DTL: variants seen among roughly 807,000 people sequenced by gnomAD.
The protein encoded by DTL is denticleless E3 ubiquitin protein ligase adapter, also known as denticleless protein homolog.
In DTL, 46 loss-of-function variants were observed where a neutral mutation model predicts 87.0. The observed-to-expected ratio is 0.53, with a 90% CI of 0.42 to 0.68. The LOEUF (loss-of-function observed/expected upper bound fraction) is 0.68, where lower values mean the gene tolerates loss of function less well. DTL is among the 30% of genes least tolerant of loss of function. The pLI, the probability that DTL is intolerant of heterozygous loss-of-function variation, is 0.00. For missense variants in DTL, 737 were observed against 869.4 expected (o/e 0.85, Z 1.91); for synonymous variants, 308 against 311.2 (o/e 0.99, Z 0.11).
intron 5 of DTL, among the ~76,000 whole-genome samples, chr1:212,061,537 A>G (rs1654312122): frequency 6.6e-6 from 1 of 152,034 alleles, no homozygotes; most frequent in Non-Finnish European, 1.5e-5. Flanking sequence ...TTGATCTAGC[A>G]GTCTCATTAT....
rs191771884 is a variant in DTL, at chr1:212,103,053, A to G, written c.*113A>G. 72 of 559,542 alleles carry G rather than the reference A, an allele frequency of 1.3e-4. 2 individuals are homozygous for G. In the Admixed American group the frequency reaches 2.4e-3, roughly 18 times the overall value. 34.7% of individuals were successfully genotyped at this position (559,542 alleles called of 1,614,324 possible). A position where few individuals can be genotyped will look rare whatever the true frequency, so the allele number is the denominator to read the frequency against. On this transcript the variant is annotated 3_prime_UTR_variant, in exon 15 of 15. Coordinates refer to ENST00000366991, the MANE Select transcript of DTL (RefSeq NM_016448.4). Reference sequence around the variant, plus strand: ...GACTCTATAACTCTGGTCTTTAAGAAAGCTGCCTTTTCATTTTTAGACAAA... The same window carrying G: ...GACTCTATAACTCTGGTCTTTAAGAGAGCTGCCTTTTCATTTTTAGACAAA...
At chr1:212,047,837 G>C (rs951926954) in intron 5 of DTL, among the ~76,000 whole-genome samples, 1 of 152,154 alleles carries the variant, frequency 6.6e-6, no homozygotes, top group Non-Finnish European at 1.5e-5. Context: ...CACCCAGCCA[G>C]GTGATTAAGA....
intron 13 of DTL, among the ~76,000 whole-genome samples, chr1:212,083,275 T>G (rs1363536046): frequency 6.6e-6 from 1 of 152,158 alleles, no homozygotes; most frequent in East Asian, 1.9e-4. Context: ...ATGAGACTTA[T>G]TTGCTGTCAC....
chr1:212,043,569 C>G (rs1024770346), intron 2 of DTL, among the ~76,000 whole-genome samples: 14 of 152,176 alleles, frequency 9.2e-5, no homozygotes, highest in Non-Finnish European at 2.1e-4. Flanking sequence ...GTGGCTCACA[C>G]TTGTAATCCC....
intron 5 of DTL, among the ~76,000 whole-genome samples, chr1:212,052,247 G>A (rs936305543): frequency 6.6e-6 from 1 of 152,088 alleles, no homozygotes; most frequent in Non-Finnish European, 1.5e-5. Flanking sequence ...TCTAGTCATG[G>A]TTCCCTTCAC....
rs1448030822 is a variant in DTL, at chr1:212,047,217, G to A, written c.339+5G>A. ...GTTCCTGGTGAACTTAAACTTGTAA[G>A]TGACTTTATTTCATTAGGATCTGGG... On this transcript the variant is annotated splice_donor_5th_base_variant and intron_variant, in intron 4 of 14. Coordinates refer to ENST00000366991, the MANE Select transcript of DTL (RefSeq NM_016448.4). The A allele has an allele frequency of 1.2e-6, 2 of 1,614,164 alleles. No individual in the cohort carries two copies.
chr1:212,059,676 A>G (rs187010553), intron 5 of DTL, among the ~76,000 whole-genome samples: 26 of 151,640 alleles, frequency 1.7e-4, no homozygotes, highest in Admixed American at 1.4e-3. Context: ...ACCCAGAGCA[A>G]TCAGGCCAGA....
At chr1:212,047,072 C>T (rs1304773180) in intron 3 of DTL, 79 bp from the exon 4 acceptor site, 1 of 1,304,244 alleles carries the variant, frequency 7.7e-7, no homozygotes, top group African/African-American at 1.5e-5. Context: ...TACAGCTTTC[C>T]AGGCATTTAA....
At chr1:212,039,622 A>AT in intron 1 of DTL, among the ~76,000 whole-genome samples, 1 of 152,296 alleles carries the variant, frequency 6.6e-6, no homozygotes, top group South Asian at 2.1e-4. Context: ...TCATTAGGTG[A>AT]TTTTATCATT....
chr1:212,091,457 CA>C (rs1329627074), intron 13 of DTL, among the ~76,000 whole-genome samples: 4 of 152,010 alleles, frequency 2.6e-5, no homozygotes, highest in Non-Finnish European at 5.9e-5. Context: ...GGGTATATAT[CA>C]AAAAAAGTGA....
chr1:212,082,461 G>A (rs1158624176), intron 13 of DTL, among the ~76,000 whole-genome samples: 2 of 152,186 alleles, frequency 1.3e-5, no homozygotes, highest in Admixed American at 1.3e-4. Flanking sequence ...TGGCAGGATC[G>A]TATAGAGAGG....
At chr1:212,101,888 C>T (rs1655635055) in intron 14 of DTL, among the ~76,000 whole-genome samples, 2 of 152,090 alleles carry the variant, frequency 1.3e-5, no homozygotes, top group African/African-American at 4.8e-5. Flanking sequence ...GAGCTATGGG[C>T]ACCAGTCAGA....
chr1:212,068,177 G>C (rs749996183), intron 8 of DTL, 47 bp from the exon 9 acceptor site: 1 of 1,258,578 alleles, frequency 7.9e-7, no homozygotes, highest in Non-Finnish European at 1.1e-6. Flanking sequence ...GAAGTTGTTT[G>C]GGGTTGGAAG....
chr1:212,097,846 T>C (rs1314894087), intron 13 of DTL, among the ~76,000 whole-genome samples: 4 of 152,188 alleles, frequency 2.6e-5, no homozygotes, highest in African/African-American at 4.8e-5. Flanking sequence ...CTCGTTTGGG[T>C]GGACTATGTC....
At chr1:212,075,833 A>T (rs979909098) in intron 11 of DTL, among the ~76,000 whole-genome samples, 3 of 152,126 alleles carry the variant, frequency 2.0e-5, no homozygotes, top group East Asian at 3.8e-4. Context: ...CCCAAACATC[A>T]TCACACCAGA....
chr1:212,100,900 C>T lies in DTL; in HGVS notation c.1910C>T (p.Pro637Leu), dbSNP rs1558093634. The change falls in exon 14 of 15, where the codon CCT (proline) becomes CTT (leucine). Residue 637 changes from proline (P) to leucine (L), a missense_variant. By Grantham distance (98) the Pro-to-Leu change is moderately conservative (BLOSUM62 -3). Coordinates refer to ENST00000366991, the MANE Select transcript of DTL (RefSeq NM_016448.4). ...PYASESCGTL[P>L]LPLRPCGEGS... Reference sequence around the variant, plus strand: ...GCTTCAGAAAGCTGTGGAACGCTACCTCTTCCTTTGAGACCTTGTGGAGAA... The same window carrying T: ...GCTTCAGAAAGCTGTGGAACGCTACTTCTTCCTTTGAGACCTTGTGGAGAA... The T allele has an allele frequency of 6.2e-7, 1 of 1,614,182 alleles. No homozygotes were observed. The highest frequency in any genetic ancestry group is 8.5e-7 in the Non-Finnish European group (1 of 1,180,022).
chr1:212,096,476 G>C (rs1198944742), intron 13 of DTL, among the ~76,000 whole-genome samples: 1 of 152,044 alleles, frequency 6.6e-6, no homozygotes, highest in Non-Finnish European at 1.5e-5. Context: ...TTGTCAATTT[G>C]TGCTCTTTCA....
chr1:212,103,033 T>C lies in DTL; in HGVS notation c.*93T>C. On this transcript the variant is annotated 3_prime_UTR_variant, in exon 15 of 15. Transcript: ENST00000366991. The stretch of plus-strand genomic sequence containing the variant: ...AAGATGAAAAATACAAGAGTGACTC[T>C]ATAACTCTGGTCTTTAAGAAAGCTG... The C allele has an allele frequency of 1.5e-6, 1 of 664,232 alleles. No homozygotes were observed. The highest frequency in any genetic ancestry group is 2.5e-6 in the Non-Finnish European group (1 of 396,952). The allele number at this position is 664,232 out of a possible 1,614,324, so 41.1% of individuals were successfully genotyped here. A position where few individuals can be genotyped will look rare whatever the true frequency, so the allele number is the denominator to read the frequency against.
At chr1:212,050,042 G>A (rs1667919661) in intron 5 of DTL, among the ~76,000 whole-genome samples, 1 of 151,908 alleles carries the variant, frequency 6.6e-6, no homozygotes, top group African/African-American at 2.4e-5. Flanking sequence ...ACAGTGGTAT[G>A]CACCTATAGT....
Sources: gnomAD v4.1 joint callset for allele counts (sites outside exome capture counted in the v4.1 genomes callset) on GRCh38, gnomAD v4.1.1 for gene constraint, MANE v1.5 for transcripts, NCBI Gene and HGNC (gene_info 2026-07-23, HGNC 2026-07-21) for gene names.